The following TMEM72 variants were observed in gnomAD, a reference collection of about 807,000 sequenced individuals.
The protein encoded by TMEM72 is transmembrane protein 72.
In TMEM72, 9 loss-of-function variants were observed where a neutral mutation model predicts 16.3. The observed-to-expected ratio is 0.55, with a 90% CI of 0.33 to 0.96. TMEM72 has a LOEUF of 0.96. TMEM72 is among the 40% of genes least tolerant of loss of function. The pLI is 0.03. For synonymous variants in TMEM72, 160 were observed against 146.5 expected (o/e 1.09, Z -0.66); for missense variants, 324 against 337.8 (o/e 0.96, Z 0.32).
rs1448696497 is a variant in TMEM72 at position 44,934,763 on chromosome 10, T to A, written c.457T>A (p.Ser153Thr). ...CTCCCCAGAGCAGTACACAGACCCC[T>A]CTAGCAGCGCTGTGAGCACCACCGG... ...LASPEQYTDP[S>T]SSAVSTTGSG... Residue 153 changes from serine to threonine, a missense_variant, in exon 5 of 5, where the codon TCT becomes ACT. Coordinates refer to ENST00000389583, the MANE Select transcript of TMEM72 (RefSeq NM_001123376.3). 4 of 1,613,486 alleles carry A rather than the reference T, an allele frequency of 2.5e-6. No homozygotes were observed. The East Asian group carries it at 8.9e-5, about 36-fold the overall frequency.
At chr10:44,930,567 C>T (rs1485187558) in intron 2 of TMEM72, among the ~76,000 whole-genome samples, 1 of 151,976 alleles carries the variant, frequency 6.6e-6, no homozygotes, top group Admixed American at 6.5e-5. Context: ...ATTTGTAAGG[C>T]CTTTAGAATT....
chr10:44,914,886 C>T (rs1455196161), intron 1 of TMEM72, among the ~76,000 whole-genome samples: 3 of 151,476 alleles, frequency 2.0e-5, no homozygotes, highest in East Asian at 3.8e-4. Flanking sequence ...ATCCTCTTAC[C>T]CTTTAACCTC....
chr10:44,919,897 T>C (rs932986), intron 1 of TMEM72: 85,833 of 152,134 alleles, frequency 0.56, 24,677 homozygotes, highest in Middle Eastern at 0.64. Flanking sequence ...CCACAACTTC[T>C]GAGCTAAGAA....
intron 1 of TMEM72, among the ~76,000 whole-genome samples, chr10:44,914,368 C>T (rs1325377603): frequency 1.3e-5 from 2 of 152,326 alleles, no homozygotes; most frequent in Non-Finnish European, 2.9e-5. Flanking sequence ...AGACCACTCC[C>T]GCATTGTTTA....
chr10:44,923,704 C>T (rs1334801683), intron 1 of TMEM72, among the ~76,000 whole-genome samples: 2 of 152,196 alleles, frequency 1.3e-5, no homozygotes, highest in African/African-American at 4.8e-5. Context: ...CAATCCCAGA[C>T]ACCTCCTGGC....
chr10:44,936,923 G>A lies in TMEM72; in HGVS notation c.*1789G>A, dbSNP rs1053387268. On this transcript the variant is annotated 3_prime_UTR_variant, in exon 5 of 5. Coordinates refer to ENST00000389583, the MANE Select transcript of TMEM72 (RefSeq NM_001123376.3). Reference sequence around the variant, plus strand: ...TGTCCTCGAAGCCCCAGTCAGCAGAGCTGGATGACCAGATCGCAAGAAGCA... The same window carrying A: ...TGTCCTCGAAGCCCCAGTCAGCAGAACTGGATGACCAGATCGCAAGAAGCA... The A allele has an allele frequency of 6.6e-6, 1 of 152,300 alleles. No homozygotes were observed. The highest frequency in any genetic ancestry group is 1.5e-5 in the Non-Finnish European group (1 of 68,082). The allele number at this position is 152,300 out of a possible 1,614,324, so 9.4% of individuals were successfully genotyped here.
intron 2 of TMEM72, among the ~76,000 whole-genome samples, chr10:44,929,342 T>C (rs1254902862): frequency 1.3e-5 from 2 of 152,176 alleles, no homozygotes; most frequent in South Asian, 4.2e-4. Flanking sequence ...AGGCTGTGTG[T>C]TCTAGCCCCC....
intron 1 of TMEM72, among the ~76,000 whole-genome samples, chr10:44,915,426 G>A (rs1439672650): frequency 6.6e-6 from 1 of 151,646 alleles, no homozygotes; most frequent in Non-Finnish European, 1.5e-5. Flanking sequence ...ACCGAGGCCT[G>A]ATGGAGCGAA....
rs200494844 is a variant in TMEM72 at position 44,911,556 on chromosome 10, G to A, written c.44G>A (p.Arg15Gln). The A allele has an allele frequency of 9.0e-5, 140 of 1,551,196 alleles. 2 individuals are homozygous for A. The highest frequency in any genetic ancestry group is 1.4e-4 in the South Asian group (12 of 84,110). Residue 15 changes from arginine to glutamine, a missense_variant, in exon 1 of 5, where the codon CGG becomes CAG. Coordinates refer to ENST00000389583, the MANE Select transcript of TMEM72 (RefSeq NM_001123376.3). Reference sequence around the variant, plus strand: ...TGGACTGGGCTGGAATACACCTGCCGGCTCCTGGGCATCACCACTGCTGCA... The same window carrying A: ...TGGACTGGGCTGGAATACACCTGCCAGCTCCTGGGCATCACCACTGCTGCA... The part of the protein sequence containing the change: ...VFWTGLEYTC[R>Q]LLGITTAAVL...
At chr10:44,928,117 A>T in intron 2 of TMEM72, 130 bp downstream of exon 2, 1 of 989,540 alleles carries the variant, frequency 1.0e-6, no homozygotes, top group Non-Finnish European at 1.5e-6. Flanking sequence ...GGGTGAAGGG[A>T]GTTGAGGGGG....
intron 1 of TMEM72, among the ~76,000 whole-genome samples, chr10:44,917,932 A>G (rs555764744): frequency 1.3e-5 from 2 of 152,284 alleles, no homozygotes; most frequent in South Asian, 4.1e-4. Context: ...CACACTGCTG[A>G]TAAAGACATG....
In TMEM72 at chr10:44,911,648, G is replaced by A. The variant is rs1839939746; in HGVS notation, c.70+66G>A. 3 of 1,525,564 alleles carry A rather than the reference G, an allele frequency of 2.0e-6. No individual in the cohort carries two copies. In the South Asian group the frequency reaches 3.6e-5, roughly 18 times the overall value. 94.5% of individuals were successfully genotyped at this position (1,525,564 alleles called of 1,614,324 possible). On this transcript the variant is annotated intron_variant, in intron 1 of 4. Transcript: ENST00000389583. ...CACCACAGATAGGGCTGCCTGAGGG[G>A]TGGGAGGTGGCCAGGAGACAGCAGG...
Position 44,934,866 on chromosome 10 carries a change from A to G in TMEM72, c.560A>G (p.Lys187Arg). 1 of 1,613,608 alleles carries G rather than the reference A, an allele frequency of 6.2e-7. No individual in the cohort carries two copies. The highest frequency in any genetic ancestry group is 1.1e-5 in the South Asian group (1 of 91,032). Residue 187 changes from lysine (K) to arginine (R), a missense_variant, in exon 5 of 5, where the codon AAG (lysine) becomes AGG (arginine). Lys to Arg is a conservative substitution (Grantham distance 26, BLOSUM62 2). Transcript: ENST00000389583. ...CCCAGCTCCCTTTTCATCCACATGA[A>G]GAGTATCCTGAAGGGGACTAAGAAG... is the stretch of plus-strand genomic sequence containing the variant. ...EGPSSLFIHM[K>R]SILKGTKKPS...
Position 44,933,662 on chromosome 10 carries a change from AGAGT to A in TMEM72, c.236_239del (p.Arg79LysfsTer34). On this transcript the variant is annotated frameshift_variant, in exon 4 of 5. Transcript: ENST00000389583. LOFTEE classifies it high-confidence loss of function. The stretch of plus-strand genomic sequence containing the variant: ...GTGTCAACCAGGGTCCCTGGCAGAC[AGAGT>A]AAGGGAGAAAGCCCACTGGCTGGGC... 2 of 1,613,808 alleles carry A rather than the reference AGAGT, an allele frequency of 1.2e-6. No individual in the cohort carries two copies. The highest frequency in any genetic ancestry group is 1.7e-6 in the Non-Finnish European group (2 of 1,179,792).
At chr10:44,919,203 A>C (rs940280419) in intron 1 of TMEM72, among the ~76,000 whole-genome samples, 2 of 152,232 alleles carry the variant, frequency 1.3e-5, no homozygotes, top group Non-Finnish European at 2.9e-5. Flanking sequence ...ACATCTACTT[A>C]AATGTAAAAG....
Position 44,911,399 on chromosome 10 carries a change from C to T in TMEM72, c.-114C>T, listed in dbSNP as rs767308224. ...GGACTGGTTTGGGAAGGCAGGGCCC[C>T]GGTGTGCAGCCACAGCCAGCAGCCT... On this transcript the variant is annotated 5_prime_UTR_variant, in exon 1 of 5. Coordinates refer to ENST00000389583, the MANE Select transcript of TMEM72 (RefSeq NM_001123376.3). The T allele has an allele frequency of 1.0e-4, 113 of 1,129,822 alleles. No individual in the cohort carries two copies. The highest frequency in any genetic ancestry group is 1.2e-4 in the Non-Finnish European group (97 of 794,358). The allele number at this position is 1,129,822 out of a possible 1,614,324, so 70.0% of individuals were successfully genotyped here.
At position 44,911,365 on chromosome 10, in the gene TMEM72, C is replaced by T. The variant is rs1303634201; in HGVS notation, c.-148C>T. ...CCCTATTCACACCTCGGCCAGGCTGCGGTGGCCAGGACTGGTTTGGGAAGG... is the reference window on the plus strand; with the variant it reads ...CCCTATTCACACCTCGGCCAGGCTGTGGTGGCCAGGACTGGTTTGGGAAGG... On this transcript the variant is annotated 5_prime_UTR_variant, in exon 1 of 5. Transcript: ENST00000389583. 3 of 730,188 alleles carry T rather than the reference C, an allele frequency of 4.1e-6. No homozygotes were observed. The highest frequency in any genetic ancestry group is 2.7e-5 in the East Asian group (1 of 36,418). The allele number at this position is 730,188 out of a possible 1,614,324, so 45.2% of individuals were successfully genotyped here.
chr10:44,917,429 A>T (rs1327949767), intron 1 of TMEM72, among the ~76,000 whole-genome samples: 1 of 152,162 alleles, frequency 6.6e-6, no homozygotes, highest in Non-Finnish European at 1.5e-5. Context: ...GGAAGGGGCT[A>T]CACTGTAAAG....
intron 2 of TMEM72, among the ~76,000 whole-genome samples, chr10:44,928,542 C>T (rs1840238931): frequency 6.6e-6 from 1 of 151,478 alleles, no homozygotes; most frequent in Admixed American, 6.6e-5. Flanking sequence ...ATCCACCCAC[C>T]CATTTATCCA....
Sources: allele counts gnomAD v4.1 joint callset (sites outside exome capture counted in the v4.1 genomes callset), GRCh38; gene constraint gnomAD v4.1.1; transcripts MANE v1.5; gene names NCBI Gene and HGNC (gene_info 2026-07-23, HGNC 2026-07-21).